AIMP2: variants seen among roughly 807,000 people sequenced by gnomAD.
AIMP2 encodes aminoacyl tRNA synthase complex-interacting multifunctional protein 2.
AIMP2 carries 20 observed loss-of-function variants against 23.4 expected under a neutral mutation model. That is an observed-to-expected ratio of 0.85 (90% CI 0.60 to 1.24). AIMP2 has a LOEUF of 1.24. Ranked by LOEUF, AIMP2 falls within the 50% of genes most tolerant of loss-of-function variation. The pLI, the probability that AIMP2 is intolerant of heterozygous loss-of-function variation, is 0.00. For synonymous variants in AIMP2, 210 were observed against 170.4 expected, an observed-to-expected ratio of 1.23 and a Z score of -1.81; for missense variants, 515 against 414.5, an observed-to-expected ratio of 1.24 and a Z score of -2.10.
At chr7:6,013,108 C>G (rs1786794474) in intron 1 of AIMP2, 2 of 454,770 alleles carry the variant, frequency 4.4e-6, no homozygotes, top group Non-Finnish European at 5.8e-6. Flanking sequence ...GACAGTGTGG[C>G]TAGAGCACAG....
intron 1 of AIMP2, chr7:6,014,847 G>A (rs1786920828): frequency 2.9e-6 from 1 of 345,066 alleles, no homozygotes; most frequent in East Asian, 8.0e-5. Flanking sequence ...ACCCTCCCGA[G>A]TAGCTGGGAT....
At position 6,015,334 on chromosome 7, in the gene AIMP2, G is replaced by C. The variant is rs1447045312; in HGVS notation, c.324G>C (p.Leu108Phe). The change falls in exon 2 of 4, where the codon TTG becomes TTC. Residue 108 changes from leucine (L) to phenylalanine (F), a missense_variant. By Grantham distance (22) the Leu-to-Phe change is conservative. Transcript: ENST00000223029. Reference protein sequence around the residue: ...PTTLTTNALDLNSVLGKDYGA... With the variant: ...PTTLTTNALDFNSVLGKDYGA... ...CTTTAACCACCAATGCGCTGGACTT[G>C]AATTCAGTGCTTGGGAAGGTAGGTT... The C allele has an allele frequency of 6.2e-7, 1 of 1,614,016 alleles. No individual in the cohort carries two copies. Among genetic ancestry groups the C allele is most frequent in the Non-Finnish European group, 8.5e-7 (1 of 1,180,000 alleles).
chr7:6,010,765 CAT>C (rs1786619377), intron 1 of AIMP2, among the ~76,000 whole-genome samples: 1 of 151,254 alleles, frequency 6.6e-6, no homozygotes, highest in Non-Finnish European at 1.5e-5. Context: ...CAATAGTCTT[CAT>C]ATAGGTAAGC....
chr7:6,012,385 T>A (rs895796829), intron 1 of AIMP2, among the ~76,000 whole-genome samples: 2 of 152,084 alleles, frequency 1.3e-5, no homozygotes, highest in Non-Finnish European at 2.9e-5. Flanking sequence ...CACAGTCTAG[T>A]CTCAGCAAGG....
At chr7:6,015,920 G>T (rs1471498976) in intron 2 of AIMP2, among the ~76,000 whole-genome samples, 1 of 152,210 alleles carries the variant, frequency 6.6e-6, no homozygotes, top group Non-Finnish European at 1.5e-5. Flanking sequence ...GGTAGAGAAG[G>T]AGTGGAAGAG....
chr7:6,014,862 G>C (rs1010736018), intron 1 of AIMP2: 8 of 388,392 alleles, frequency 2.1e-5, no homozygotes, highest in African/African-American at 1.7e-4. Flanking sequence ...TGGGATTACA[G>C]TTGCGTGCCA....
chr7:6,020,653 C>T (rs1787338302), intron 3 of AIMP2, among the ~76,000 whole-genome samples: 1 of 152,158 alleles, frequency 6.6e-6, no homozygotes, highest in Non-Finnish European at 1.5e-5. Context: ...GAAGCAGCTT[C>T]CGCCAACCAA....
chr7:6,015,924 G>A (rs968560233), intron 2 of AIMP2, among the ~76,000 whole-genome samples: 2 of 152,206 alleles, frequency 1.3e-5, no homozygotes, highest in Admixed American at 6.5e-5. Flanking sequence ...GAGAAGGAGT[G>A]GAAGAGAGTT....
chr7:6,010,695 C>T (rs1583444574), intron 1 of AIMP2, among the ~76,000 whole-genome samples: 1 of 152,034 alleles, frequency 6.6e-6, no homozygotes, highest in South Asian at 2.1e-4. Flanking sequence ...GAGATCCACC[C>T]GCCTCGACCT....
intron 1 of AIMP2, among the ~76,000 whole-genome samples, chr7:6,011,418 G>T (rs750743289): frequency 2.0e-5 from 3 of 152,048 alleles, no homozygotes; most frequent in Admixed American, 1.3e-4. Flanking sequence ...TTCACTGGCC[G>T]CTGTGATTGT....
In AIMP2 at chr7:6,009,368, C is replaced by G. The variant is rs1401543115; in HGVS notation, c.5C>G (p.Pro2Arg). 5 of 1,611,712 alleles carry G rather than the reference C, an allele frequency of 3.1e-6. No individual in the cohort carries two copies. The highest frequency in any genetic ancestry group is 1.3e-5 in the African/African-American group (1 of 74,890). ...CCCTTTTGCTTTGGTTCTGCCATGC[C>G]GATGTACCAGGTAAAGCCCTATCAC... M[P>R]MYQVKPYHGG... The change falls in exon 1 of 4, where the codon CCG (proline) becomes CGG (arginine). Residue 2 changes from proline (P) to arginine (R), a missense_variant. Pro to Arg is a moderately radical substitution (Grantham distance 103). Transcript: ENST00000223029.
At chr7:6,018,358 C>T (rs1787164230) in intron 3 of AIMP2, among the ~76,000 whole-genome samples, 1 of 150,328 alleles carries the variant, frequency 6.7e-6, no homozygotes, top group East Asian at 2.0e-4. Context: ...CTATATTGGT[C>T]AGGCTGGTCT....
chr7:6,015,075 C>G (rs1023486596), intron 1 of AIMP2, 71 bp from the exon 2 acceptor site: 3 of 1,605,174 alleles, frequency 1.9e-6, no homozygotes, highest in Non-Finnish European at 2.6e-6. Flanking sequence ...CAAAGTAAGA[C>G]AAGTGATCAA....
chr7:6,009,974 A>ATATATACATAT (rs1554310935), intron 1 of AIMP2, among the ~76,000 whole-genome samples: 2 of 26,672 alleles, frequency 7.5e-5, no homozygotes, highest in African/African-American at 1.4e-4. Context: ...AAAAAAAAAA[A>ATATATACATAT]ATATATATAT....
chr7:6,023,780 G>C lies in AIMP2; in HGVS notation c.*89G>C. 6.2e-7 allele frequency: 1 copy of C among 1,601,912 alleles called. No homozygotes were observed. Among genetic ancestry groups the C allele is most frequent in the South Asian group, 1.1e-5 (1 of 89,366 alleles). ...AGTAAGGGGACTTGTATTAGAGTCAGAGTCTTTTTATTTAGGCCAGTTGTC... is the reference window on the plus strand; with the variant it reads ...AGTAAGGGGACTTGTATTAGAGTCACAGTCTTTTTATTTAGGCCAGTTGTC... On this transcript the variant is annotated 3_prime_UTR_variant, in exon 4 of 4. Transcript: ENST00000223029.
intron 1 of AIMP2, among the ~76,000 whole-genome samples, chr7:6,014,685 G>T (rs2128877770): frequency 6.6e-6 from 1 of 151,920 alleles, no homozygotes; most frequent in South Asian, 2.1e-4. Flanking sequence ...TTAAGGCTTT[G>T]CAGACTTGCA....
chr7:6,018,116 G>T, intron 3 of AIMP2, 71 bp downstream of exon 3: 16 of 1,100,752 alleles, frequency 1.5e-5, no homozygotes, highest in Non-Finnish European at 1.8e-5. Context: ...ACCTGCATGA[G>T]TCCATTTACA....
chr7:6,013,713 T>C (rs1786843476), intron 1 of AIMP2, among the ~76,000 whole-genome samples: 1 of 152,074 alleles, frequency 6.6e-6, no homozygotes, highest in East Asian at 1.9e-4. Flanking sequence ...CTTTGGGACC[T>C]GAGGTGGGAG....
At chr7:6,012,813 A>G in intron 1 of AIMP2, 1 of 1,029,474 alleles carries the variant, frequency 9.7e-7, no homozygotes, top group Non-Finnish European at 1.2e-6. Flanking sequence ...CGCCCTTCCA[A>G]AGTGCTGAGA....
Sources: gnomAD v4.1 joint callset for allele counts (sites outside exome capture counted in the v4.1 genomes callset) on GRCh38, gnomAD v4.1.1 for gene constraint, MANE v1.5 for transcripts, NCBI Gene and HGNC (gene_info 2026-07-23, HGNC 2026-07-21) for gene names.